Variants in SPTBN1 observed in about 807,000 individuals in gnomAD.
SPTBN1 encodes the protein spectrin beta, non-erythrocytic 1, also known as spectrin beta chain, non-erythrocytic 1.
Under a neutral mutation model 266.4 loss-of-function variants are expected in SPTBN1, and 32 were observed. The observed-to-expected ratio is 0.12, with a 90% confidence interval of 0.09 to 0.16. The LOEUF is 0.16. Ranked by LOEUF, SPTBN1 falls within the 10% of genes least tolerant of loss-of-function variation. The pLI is 1.00. For missense variants in SPTBN1, 2,296 were observed against 3,067.1 expected (o/e 0.75, Z 5.94); for synonymous variants, 1,336 against 1,162.2 (o/e 1.15, Z -3.04).
rs1572761990 is a variant in SPTBN1 at position 54,653,978 on chromosome 2, T to G, written c.5822+125T>G. 2 of 1,422,454 alleles carry G rather than the reference T, an allele frequency of 1.4e-6. No homozygotes were observed. The highest frequency in any genetic ancestry group is 1.9e-6 in the Non-Finnish European group (2 of 1,065,364). 88.1% of individuals were successfully genotyped at this position (1,422,454 alleles called of 1,614,324 possible). On this transcript the variant is annotated intron_variant, in intron 27 of 35. Coordinates refer to ENST00000356805, the MANE Select transcript of SPTBN1 (RefSeq NM_003128.3). The surrounding 1 kb of genome is among the most constrained non-coding windows in gnomAD (Gnocchi z 5.1). ...GAGCGCTTCAAGGCCAGAGTGGGGG[T>G]GGGGCGGTGCTTGGAGTGCGGCACC...
Position 54,616,259 on chromosome 2 carries a change from A to G in SPTBN1, c.527A>G (p.Lys176Arg). ...TEDNKEKKSA[K>R]DALLLWCQMK... ...GACAACAAAGAGAAGAAATCTGCCA[A>G]GGATGCATTGCTGTTGTGGTGCCAG... The change falls in exon 5 of 36, where the codon AAG becomes AGG. Residue 176 changes from lysine to arginine, a missense_variant. Physicochemically the swap from Lys to Arg is conservative, Grantham distance 26 (BLOSUM62 2). Around this residue, in one of 12 missense-constraint regions of SPTBN1, gnomAD observed 178 missense variants for 375.7 expected, o/e 0.47. Coordinates refer to ENST00000356805, the MANE Select transcript of SPTBN1 (RefSeq NM_003128.3). The G allele has an allele frequency of 6.2e-7, 1 of 1,614,104 alleles. No individual in the cohort carries two copies. Among genetic ancestry groups the G allele is most frequent in the Non-Finnish European group, 8.5e-7 (1 of 1,179,938 alleles).
chr2:54,514,902 A>G (rs961414624), intron 1 of SPTBN1, among the ~76,000 whole-genome samples: 7 of 152,212 alleles, frequency 4.6e-5, no homozygotes, highest in African/African-American at 1.7e-4. Flanking sequence ...GATGATAACA[A>G]AACCCCCTTC....
intron 1 of SPTBN1, among the ~76,000 whole-genome samples, chr2:54,488,907 C>T (rs1668546002): frequency 6.6e-6 from 1 of 152,022 alleles, no homozygotes; most frequent in Admixed American, 6.6e-5. Flanking sequence ...ATTAAGAGTA[C>T]AGTTATTATC....
At chr2:54,514,736 GT>G (rs1670027267) in intron 1 of SPTBN1, among the ~76,000 whole-genome samples, 1 of 152,176 alleles carries the variant, frequency 6.6e-6, no homozygotes, top group Admixed American at 6.5e-5. Context: ...TTTTTCAAGT[GT>G]TCGAAACTGC....
At chr2:54,542,634 G>A (rs1284028736) in intron 2 of SPTBN1, among the ~76,000 whole-genome samples, 1 of 152,152 alleles carries the variant, frequency 6.6e-6, no homozygotes, top group Non-Finnish European at 1.5e-5. Context: ...CACTGTGAAG[G>A]AAGGCACAGG....
intron 1 of SPTBN1, among the ~76,000 whole-genome samples, chr2:54,490,364 G>T (rs1391326295): frequency 6.6e-6 from 1 of 152,146 alleles, no homozygotes; most frequent in Non-Finnish European, 1.5e-5. Context: ...GAGCCACAGT[G>T]CCTGGCCTGT....
intron 32 of SPTBN1, chr2:54,661,711 C>G (rs1411166743): frequency 1.0e-6 from 1 of 985,520 alleles, no homozygotes; most frequent in Non-Finnish European, 1.2e-6. Flanking sequence ...TTTCATTGAT[C>G]TATATGTATA....
At position 54,624,925 on chromosome 2, in the gene SPTBN1, A is replaced by G; in HGVS notation, c.1304A>G (p.Glu435Gly). Residue 435 changes from glutamate to glycine, a missense_variant, in exon 11 of 36, where the codon GAG becomes GGG. Coordinates refer to ENST00000356805, the MANE Select transcript of SPTBN1 (RefSeq NM_003128.3). ...TTTGATCGCAAGGCAGCTATGAGGGAGACTTGGCTGAGCGAAAACCAGCGT... is the reference window on the plus strand; with the variant it reads ...TTTGATCGCAAGGCAGCTATGAGGGGGACTTGGCTGAGCGAAAACCAGCGT... ...RRFDRKAAMR[E>G]TWLSENQRLV... 6.2e-7 allele frequency: 1 copy of G among 1,609,990 alleles called. No homozygotes were observed. The highest frequency in any genetic ancestry group is 8.5e-7 in the Non-Finnish European group (1 of 1,178,226).
At chr2:54,461,281 T>C (rs1693355255) in intron 1 of SPTBN1, among the ~76,000 whole-genome samples, 1 of 152,236 alleles carries the variant, frequency 6.6e-6, no homozygotes, top group Non-Finnish European at 1.5e-5. Flanking sequence ...ATTTCATGGC[T>C]GTATTTCATT....
At chr2:54,548,371 C>T (rs755878638) in intron 2 of SPTBN1, among the ~76,000 whole-genome samples, 3 of 152,186 alleles carry the variant, frequency 2.0e-5, no homozygotes, top group Non-Finnish European at 2.9e-5. Context: ...GCTTGTACCG[C>T]ATCCTGGGCT....
At position 54,646,098 on chromosome 2, in the gene SPTBN1, A is replaced by T; in HGVS notation, c.4584+81A>T. The T allele has an allele frequency of 6.2e-7, 1 of 1,606,706 alleles. No individual in the cohort carries two copies. Among genetic ancestry groups the T allele is most frequent in the Non-Finnish European group, 8.5e-7 (1 of 1,175,518 alleles). On this transcript the variant is annotated intron_variant, in intron 22 of 35. Coordinates refer to ENST00000356805, the MANE Select transcript of SPTBN1 (RefSeq NM_003128.3). This position sits in a 1 kb window ranked among gnomAD's most constrained non-coding sequence, Gnocchi z 4.4. ...AGACTGGGAATGGCAGAGAGCTTTG[A>T]AGCCTTGCTATTTCTTTCTGGCCCT...
chr2:54,532,743 C>A (rs1236054567), intron 2 of SPTBN1, among the ~76,000 whole-genome samples: 4 of 152,194 alleles, frequency 2.6e-5, no homozygotes, highest in Admixed American at 6.5e-5. Flanking sequence ...CTAAGCTGGA[C>A]TTTTTGGAAA....
rs763709520 is a variant in SPTBN1, at chr2:54,617,635, C to T, written c.594C>T (p.Phe198=). Residue 198 remains phenylalanine, a synonymous_variant, in exon 6 of 36, where the codon TTC becomes TTT. Transcript: ENST00000356805. The stretch of plus-strand genomic sequence containing the variant: ...ACCCCAATGTCAACATTCACAATTT[C>T]ACCACTAGCTGGAGGGACGGCATGG... ...AGYPNVNIHN[F]TTSWRDGMAF... 1.9e-6 allele frequency: 3 copies of T among 1,614,026 alleles called. No homozygotes were observed. The highest frequency in any genetic ancestry group is 2.2e-5 in the South Asian group (2 of 91,088).
At chr2:54,590,359 CAAT>C (rs1458990620) in intron 2 of SPTBN1, among the ~76,000 whole-genome samples, 14 of 152,232 alleles carry the variant, frequency 9.2e-5, no homozygotes, top group Admixed American at 2.0e-4. Flanking sequence ...CCACCACCAA[CAAT>C]AAGATTTATC....
intron 2 of SPTBN1, among the ~76,000 whole-genome samples, chr2:54,589,393 C>A (rs1675518188): frequency 6.6e-6 from 1 of 152,208 alleles, no homozygotes; most frequent in Admixed American, 6.5e-5. Context: ...CATTGGCAAA[C>A]TGGGGTTGTG....
intron 1 of SPTBN1, among the ~76,000 whole-genome samples, chr2:54,506,806 T>C (rs768758422): frequency 6.6e-6 from 1 of 151,450 alleles, no homozygotes; most frequent in Non-Finnish European, 1.5e-5. Context: ...AGTAGGAACA[T>C]AGAACAGGAG....
chr2:54,667,544 TGGG>T, intron 34 of SPTBN1, 57 bp from the exon 35 acceptor site: 1 of 1,520,270 alleles, frequency 6.6e-7, no homozygotes, highest in Non-Finnish European at 9.1e-7. Flanking sequence ...ATATGGGAGT[TGGG>T]GGATTTTTAT....
intron 12 of SPTBN1, 113 bp from the exon 13 acceptor site, chr2:54,627,984 G>A: frequency 7.7e-7 from 1 of 1,294,162 alleles, no homozygotes; most frequent in Non-Finnish European, 1.1e-6. Context: ...GTCCATGGCA[G>A]ACTAGAGGGA....
At chr2:54,545,521 A>C (rs1049081331) in intron 2 of SPTBN1, 3 of 152,252 alleles carry the variant, frequency 2.0e-5, no homozygotes, top group Admixed American at 6.5e-5. Context: ...TAACAAGCCT[A>C]CTATTCTATT....
Sources: gnomAD v4.1 joint callset for allele counts (sites outside exome capture counted in the v4.1 genomes callset) on GRCh38, gnomAD v4.1.1 for gene constraint, gnomAD v4.1.1 regional missense constraint, Gnocchi (gnomAD v3.1) non-coding constraint, MANE v1.5 for transcripts, NCBI Gene and HGNC (gene_info 2026-07-23, HGNC 2026-07-21) for gene names.